The following ACLY variants were observed in gnomAD, a reference collection of about 807,000 sequenced individuals.
The protein encoded by ACLY is ATP citrate lyase, also known as ATP-citrate synthase.
In ACLY, 41 loss-of-function variants were observed where a neutral mutation model predicts 133.0. The ratio of observed to expected loss-of-function variants is 0.31; its 90% confidence interval spans 0.24 to 0.40. The LOEUF is 0.40. Among genes scored for constraint, ACLY ranks in the 10% least tolerant of loss-of-function variants. The pLI is 1.00. For missense variants in ACLY, 1,046 were observed against 1,453.8 expected, an observed-to-expected ratio of 0.72 and a Z score of 4.56; for synonymous variants, 495 against 549.3, an observed-to-expected ratio of 0.90 and a Z score of 1.38.
At chr17:41,912,318 A>G (rs1321372394) in intron 3 of ACLY, 102 bp downstream of exon 3, 64 of 1,491,846 alleles carry the variant, frequency 4.3e-5, no homozygotes, top group Middle Eastern at 4.5e-4. Context: ...CTGAGCTACA[A>G]TGAGACTGGC....
rs34078258 is a variant in ACLY at position 41,882,367 on chromosome 17, CA to C, written c.2265+754del. Among the ~76,000 whole-genome samples the C allele has an allele frequency of 5.0e-3, 201 of 40,200 alleles. 2 individuals are homozygous for C. The highest frequency in any genetic ancestry group is 5.7e-3 in the African/African-American group (53 of 9,374). 26.4% of individuals were successfully genotyped at this position (40,200 alleles called of 152,430 possible). ...GGGCGACAGAGTGAGACCCTGTCTC[CA>C]AAAAAAAAAAAAAAAAAAAAAAAAA... On this transcript the variant is annotated intron_variant, in intron 20 of 28. Coordinates refer to ENST00000352035, the MANE Select transcript of ACLY (RefSeq NM_001096.3).
At chr17:41,914,631 C>T (rs1459419595) in intron 1 of ACLY, among the ~76,000 whole-genome samples, 3 of 152,152 alleles carry the variant, frequency 2.0e-5, no homozygotes, top group Non-Finnish European at 4.4e-5. Flanking sequence ...TTAGCACATT[C>T]CACCCGCCCC....
At chr17:41,882,551 C>G (rs986319659) in intron 20 of ACLY, among the ~76,000 whole-genome samples, 2 of 151,926 alleles carry the variant, frequency 1.3e-5, no homozygotes, top group Admixed American at 1.3e-4. Flanking sequence ...TGAAGTCTGG[C>G]GTATGATCCC....
At chr17:41,887,465 G>A in intron 17 of ACLY, 134 bp downstream of exon 17, 1 of 718,466 alleles carries the variant, frequency 1.4e-6, no homozygotes. Flanking sequence ...TGGACAGACT[G>A]ATTTTCAACA....
rs2304498 is a variant in ACLY at position 41,909,815 on chromosome 17, C to T, written c.346-115G>A. On this transcript the variant is annotated intron_variant, in intron 4 of 28. Transcript: ENST00000352035. ...TACTGGGAGAGGAAACCAATCCCCA[C>T]GGTCTCATTTTCTAAAACCCAGTGA... 5.6e-4 allele frequency: 501 copies of T among 891,458 alleles called. 4 individuals are homozygous for T. The East Asian group carries it at 0.012, about 21-fold the overall frequency. 55.2% of individuals were successfully genotyped at this position (891,458 alleles called of 1,614,324 possible). A position where few individuals can be genotyped will look rare whatever the true frequency, so the allele number is the denominator to read the frequency against.
chr17:41,889,524 CAAAAAAAAA>C (rs533387140), intron 16 of ACLY, among the ~76,000 whole-genome samples: 55 of 31,600 alleles, frequency 1.7e-3, no homozygotes, highest in African/African-American at 3.3e-3. Flanking sequence ...CTCCATTTCA[CAAAAAAAAA>C]AAAAAAAAAA....
At position 41,878,208 on chromosome 17, in the gene ACLY, G is replaced by A; in HGVS notation, c.2394-12C>T. The stretch of plus-strand genomic sequence containing the variant: ...CTTCGTATACAGACCTGGGAGGCAG[G>A]AAAAAAAAGACATCCATGTGGATTT... On this transcript the variant is annotated splice_polypyrimidine_tract_variant and intron_variant, in intron 21 of 28. Coordinates refer to ENST00000352035, the MANE Select transcript of ACLY (RefSeq NM_001096.3). The A allele has an allele frequency of 2.0e-6, 3 of 1,535,976 alleles. No individual in the cohort carries two copies. The highest frequency in any genetic ancestry group is 1.2e-5 in the South Asian group (1 of 80,856).
chr17:41,897,997 C>G (rs540246059), intron 12 of ACLY, among the ~76,000 whole-genome samples, 158 bp from the exon 13 acceptor site: 2 of 152,300 alleles, frequency 1.3e-5, no homozygotes, highest in South Asian at 4.1e-4. Context: ...CTCTAAGATA[C>G]GAATTAATAT....
chr17:41,873,669 C>G lies in ACLY; in HGVS notation c.2642+142G>C, dbSNP rs1597968785. The G allele has an allele frequency of 1.4e-5, 14 of 1,031,680 alleles. No homozygotes were observed. In the East Asian group the frequency reaches 4.0e-4, roughly 30 times the overall value. 63.9% of individuals were successfully genotyped at this position (1,031,680 alleles called of 1,614,324 possible). A position where few individuals can be genotyped will look rare whatever the true frequency, so the allele number is the denominator to read the frequency against. On this transcript the variant is annotated intron_variant, in intron 23 of 28. Transcript: ENST00000352035. ...CTTAGGAATAGTTTATGTGTCCTTCCTCTGGCCGCTCAATTGACCTGTGGC... is the reference window on the plus strand; with the variant it reads ...CTTAGGAATAGTTTATGTGTCCTTCGTCTGGCCGCTCAATTGACCTGTGGC...
chr17:41,880,865 C>CA (rs782218481), intron 20 of ACLY, among the ~76,000 whole-genome samples: 1,811 of 121,442 alleles, frequency 0.015, 10 homozygotes, highest in Non-Finnish European at 0.018. Flanking sequence ...GACTCCGTCT[C>CA]AAAAAAAAAA....
chr17:41,886,167 T>C lies in ACLY; in HGVS notation c.2017A>G (p.Ile673Val), dbSNP rs1555628098. Reference sequence around the variant, plus strand: ...ACGCCATCCGTGGTCCGAGAGATGATATTGTTGAGCTCGTTGGACATGCCT... The same window carrying C: ...ACGCCATCCGTGGTCCGAGAGATGACATTGTTGAGCTCGTTGGACATGCCT... ...SGGMSNELNN[I>V]ISRTTDGVYE... The change falls in exon 18 of 29, where the codon ATC becomes GTC. Residue 673 changes from isoleucine (I) to valine (V), a missense_variant. Ile to Val is a conservative substitution (Grantham distance 29). This residue lies in a region of ACLY where 575 missense variants were observed against 804.2 expected (regional missense o/e 0.71). Coordinates refer to ENST00000352035, the MANE Select transcript of ACLY (RefSeq NM_001096.3). 1 of 1,614,172 alleles carries C rather than the reference T, an allele frequency of 6.2e-7. No individual in the cohort carries two copies. The highest frequency in any genetic ancestry group is 8.5e-7 in the Non-Finnish European group (1 of 1,180,020).
chr17:41,892,343 A>G lies in ACLY; in HGVS notation c.1706T>C (p.Leu569Pro). The change falls in exon 16 of 29, where the codon CTC (leucine) becomes CCC (proline). Residue 569 changes from leucine (L) to proline (P), a missense_variant. Leu to Pro is a moderately conservative substitution (Grantham distance 98). Transcript: ENST00000352035. ...AMRKHPEVDV[L>P]INFASLRSAY... is the part of the protein sequence containing the mutation. The stretch of plus-strand genomic sequence containing the variant: ...AGAGCGGAGAGAGGCAAAGTTGATG[A>G]GCACATCTACCTCCGGATGCTTCCT... 1 of 1,612,634 alleles carries G rather than the reference A, an allele frequency of 6.2e-7. No individual in the cohort carries two copies. Among genetic ancestry groups the G allele is most frequent in the Non-Finnish European group, 8.5e-7 (1 of 1,179,616 alleles).
chr17:41,886,158 G>C lies in ACLY; in HGVS notation c.2026C>G (p.Arg676Gly), dbSNP rs141606581. ...CCCTCATAGACGCCATCCGTGGTCC[G>C]AGAGATGATATTGTTGAGCTCGTTG... is the stretch of plus-strand genomic sequence containing the variant. ...MSNELNNIIS[R>G]TTDGVYEGVA... The change falls in exon 18 of 29, where the codon CGG becomes GGG. Residue 676 changes from arginine (R) to glycine (G), a missense_variant. Arg to Gly is a moderately radical substitution (Grantham distance 125). Transcript: ENST00000352035. 5.5e-5 allele frequency: 88 copies of C among 1,614,142 alleles called. No homozygotes were observed. Among genetic ancestry groups the C allele is most frequent in the Non-Finnish European group, 6.9e-5 (81 of 1,180,006 alleles).
At chr17:41,870,439 G>A (rs576675695) in intron 25 of ACLY, 6 of 152,196 alleles carry the variant, frequency 3.9e-5, no homozygotes, top group Non-Finnish European at 7.3e-5. Context: ...TGGCTGCCTA[G>A]AAGGTGGTGT....
At position 41,872,189 on chromosome 17, in the gene ACLY, T is replaced by C. The variant is rs1409900154; in HGVS notation, c.2643-7A>G. 10 of 1,611,522 alleles carry C rather than the reference T, an allele frequency of 6.2e-6. No individual in the cohort carries two copies. Among genetic ancestry groups the C allele is most frequent in the Non-Finnish European group, 8.5e-6 (10 of 1,179,360 alleles). ...GCAAGAGTACTTAGGCAACCTGGAG[T>C]GGGGGGAACAAAGGCCAGGAGATGG... On this transcript the variant is annotated splice_polypyrimidine_tract_variant and splice_region_variant and intron_variant, in intron 23 of 28. Transcript: ENST00000352035.
intron 9 of ACLY, 95 bp from the exon 10 acceptor site, chr17:41,904,885 A>T: frequency 8.1e-7 from 1 of 1,234,744 alleles, no homozygotes; most frequent in Non-Finnish European, 1.2e-6. Flanking sequence ...GTTCCCCTGA[A>T]TGAGGGTCCC....
intron 19 of ACLY, 126 bp from the exon 20 acceptor site, chr17:41,883,358 C>A: frequency 1.4e-6 from 1 of 705,882 alleles, no homozygotes; most frequent in South Asian, 1.8e-5. Flanking sequence ...AGCCTGGACA[C>A]AAGGAAGATT....
chr17:41,901,661 CAG>C (rs1275449183), intron 11 of ACLY, 33 bp downstream of exon 11: 2 of 1,575,592 alleles, frequency 1.3e-6, no homozygotes. Context: ...CACCCACACT[CAG>C]GGTGAGGGGG....
At chr17:41,885,094 A>G (rs1280745167) in intron 18 of ACLY, among the ~76,000 whole-genome samples, 2 of 152,014 alleles carry the variant, frequency 1.3e-5, no homozygotes, top group African/African-American at 2.4e-5. Flanking sequence ...TGCCTCAGCT[A>G]GTCTCGAATT....
Sources: gnomAD v4.1 joint callset for allele counts (sites outside exome capture counted in the v4.1 genomes callset) on GRCh38, gnomAD v4.1.1 for gene constraint, gnomAD v4.1.1 regional missense constraint, MANE v1.5 for transcripts, NCBI Gene and HGNC (gene_info 2026-07-23, HGNC 2026-07-21) for gene names.